The following GUCY2F variants were observed in gnomAD, a reference collection of about 807,000 sequenced individuals.
GUCY2F encodes the protein retinal guanylyl cyclase 2.
GUCY2F carries 61 observed loss-of-function variants against 73.1 expected under a neutral mutation model. That is an observed-to-expected ratio of 0.83 (90% CI 0.68 to 1.03). The LOEUF is 1.03. Ranked by LOEUF, GUCY2F falls within the 50% of genes least tolerant of loss-of-function variation. The pLI, the probability that GUCY2F is intolerant of heterozygous loss-of-function variation, is 0.00. For missense variants in GUCY2F, 912 were observed against 854.3 expected (o/e 1.07, Z -0.84); for synonymous variants, 331 against 307.8 (o/e 1.08, Z -0.79).
intron 8 of GUCY2F, among the ~76,000 whole-genome samples, chrX:109,428,907 C>T (rs1222011129): frequency 8.9e-6 from 1 of 112,030 alleles, no homozygotes; most frequent in Non-Finnish European, 1.9e-5. Context: ...AAATTAAAAG[C>T]TACCCCAAAA....
intron 8 of GUCY2F, among the ~76,000 whole-genome samples, chrX:109,421,986 C>T (rs1484836889): frequency 9.0e-6 from 1 of 111,581 alleles, no homozygotes; most frequent in Non-Finnish European, 1.9e-5. Context: ...GCACAAGACA[C>T]TGTATCATTC....
chrX:109,425,296 C>T (rs1355661952), intron 8 of GUCY2F, among the ~76,000 whole-genome samples: 2 of 109,352 alleles, frequency 1.8e-5, no homozygotes, highest in Non-Finnish European at 3.8e-5. Context: ...ATGGAACCAG[C>T]CCAAATGCCC....
At chrX:109,423,496 G>A (rs922624809) in intron 8 of GUCY2F, among the ~76,000 whole-genome samples, 1 of 110,473 alleles carries the variant, frequency 9.1e-6, no homozygotes, top group Non-Finnish European at 1.9e-5. Flanking sequence ...AAAAATACAG[G>A]ATAGTGATGA....
chrX:109,400,001 G>T (rs1930801473), intron 10 of GUCY2F, among the ~76,000 whole-genome samples: 1 of 109,787 alleles, frequency 9.1e-6, no homozygotes, highest in Non-Finnish European at 1.9e-5. Flanking sequence ...GGGGGCAGAA[G>T]GTGAGAGGCC....
At chrX:109,480,236 GA>G (rs749375957) in intron 1 of GUCY2F, among the ~76,000 whole-genome samples, 2 of 111,570 alleles carry the variant, frequency 1.8e-5, no homozygotes, top group South Asian at 7.6e-4. Flanking sequence ...TTAATGGAGA[GA>G]AAACAACTCT....
chrX:109,392,249 T>C (rs979556213), intron 13 of GUCY2F, 146 bp from the exon 14 acceptor site: 46 of 467,567 alleles, frequency 9.8e-5, no homozygotes, highest in Non-Finnish European at 1.4e-4. Context: ...AAAACATTAA[T>C]TCGTTCATTT....
At chrX:109,436,406 AC>A (rs1468883417) in intron 7 of GUCY2F, among the ~76,000 whole-genome samples, 2 of 110,845 alleles carry the variant, frequency 1.8e-5, no homozygotes, top group Non-Finnish European at 3.8e-5. Context: ...AACTAGAAAT[AC>A]CATTTGACCC....
chrX:109,430,039 G>T (rs756921541), intron 8 of GUCY2F, among the ~76,000 whole-genome samples: 1 of 112,090 alleles, frequency 8.9e-6, no homozygotes, highest in South Asian at 3.8e-4. Context: ...TTGTAAATAA[G>T]GAAACTAAGA....
chrX:109,462,907 G>T (rs1444791920), intron 3 of GUCY2F, among the ~76,000 whole-genome samples: 1 of 111,754 alleles, frequency 8.9e-6, no homozygotes, highest in Admixed American at 9.5e-5. Context: ...TTTGAGTTTT[G>T]CAATTCTTGA....
chrX:109,378,266 A>G (rs1196458778), intron 17 of GUCY2F, among the ~76,000 whole-genome samples: 1 of 111,819 alleles, frequency 8.9e-6, no homozygotes. Flanking sequence ...ATAAATAGGC[A>G]CAGCTGGGAC....
chrX:109,426,635 C>T (rs956024479), intron 8 of GUCY2F, among the ~76,000 whole-genome samples: 1 of 111,749 alleles, frequency 8.9e-6, no homozygotes, highest in African/African-American at 3.3e-5. Context: ...GTGATCCGCC[C>T]GCCTCGGCCT....
chrX:109,445,150 G>A (rs149841617), intron 6 of GUCY2F, among the ~76,000 whole-genome samples: 3 of 111,506 alleles, frequency 2.7e-5, no homozygotes, highest in South Asian at 7.5e-4. Context: ...CTTTCACAAG[G>A]CCTAGCCCCA....
At chrX:109,436,954 A>C (rs1000343203) in intron 7 of GUCY2F, among the ~76,000 whole-genome samples, 1 of 110,536 alleles carries the variant, frequency 9.0e-6, no homozygotes, top group Non-Finnish European at 1.9e-5. Flanking sequence ...AAAAAGAAAA[A>C]AGAAGAAAAA....
chrX:109,373,719 GATTA>G (rs772017997), intron 19 of GUCY2F, among the ~76,000 whole-genome samples: 14 of 112,452 alleles, frequency 1.2e-4, no homozygotes, highest in African/African-American at 3.9e-4. Flanking sequence ...TGATATGGGT[GATTA>G]ATTGTTTCTC....
chrX:109,374,191 G>A (rs150908802), intron 19 of GUCY2F, among the ~76,000 whole-genome samples: 3,099 of 111,980 alleles, frequency 0.028, 43 homozygotes, highest in Middle Eastern at 0.046. Flanking sequence ...CTTGGACTTA[G>A]GACAAGCCTT....
intron 15 of GUCY2F, among the ~76,000 whole-genome samples, chrX:109,386,644 C>T (rs764129969): frequency 9.0e-6 from 1 of 111,566 alleles, no homozygotes; most frequent in East Asian, 2.8e-4. Flanking sequence ...CAGGAAAACC[C>T]TCCAGATGGC....
chrX:109,437,093 C>T (rs1026014938), intron 7 of GUCY2F, among the ~76,000 whole-genome samples: 1 of 110,853 alleles, frequency 9.0e-6, no homozygotes, highest in Admixed American at 9.6e-5. Flanking sequence ...AGACACACTA[C>T]TTCTTTGTTT....
chrX:109,415,280 A>G (rs1931214250), intron 8 of GUCY2F, among the ~76,000 whole-genome samples: 2 of 112,053 alleles, frequency 1.8e-5, no homozygotes, highest in Admixed American at 1.9e-4. Context: ...TGCTGGGAAA[A>G]TGCAAAAACT....
chrX:109,452,050 G>A lies in GUCY2F; in HGVS notation c.1445C>T (p.Ser482Phe). ...TATAAAGTAAGCAAATCCATTAATA[G>A]ACAGCAGGGCTATAAGCAAAGTAAG... ...VCLTLLIALL[S>F]INGFAYFIRR... Residue 482 changes from serine (S) to phenylalanine (F), a missense_variant, in exon 5 of 20, where the codon TCT becomes TTT. By Grantham distance (155) the Ser-to-Phe change is radical. Transcript: ENST00000218006. 1 of 1,106,078 alleles carries A rather than the reference G, an allele frequency of 9.0e-7. No individual in the cohort carries two copies. The highest frequency in any genetic ancestry group is 1.3e-6 in the Non-Finnish European group (1 of 799,528). 91.2% of individuals were successfully genotyped at this position (1,106,078 alleles called of 1,213,427 possible).
Sources: allele counts gnomAD v4.1 joint callset (sites outside exome capture counted in the v4.1 genomes callset), GRCh38; gene constraint gnomAD v4.1.1; transcripts MANE v1.5; gene names NCBI Gene and HGNC (gene_info 2026-07-23, HGNC 2026-07-21).